The following EVL variants were observed in gnomAD, a reference collection of about 807,000 sequenced individuals.
EVL encodes the protein ena/VASP-like protein.
In EVL, 21 loss-of-function variants were observed where a neutral mutation model predicts 59.6. That is an observed-to-expected ratio of 0.35 (90% confidence interval 0.25 to 0.51). EVL has a LOEUF of 0.51. EVL is among the 20% of genes least tolerant of loss of function. The pLI, the probability that EVL is intolerant of heterozygous loss-of-function variation, is 0.97. For missense variants in EVL, 462 were observed against 546.6 expected, an observed-to-expected ratio of 0.85 and a Z score of 1.54; for synonymous variants, 198 against 203.5, an observed-to-expected ratio of 0.97 and a Z score of 0.23.
chr14:100,033,079 G>T (rs1229103138), intron 1 of EVL, among the ~76,000 whole-genome samples: 1 of 152,116 alleles, frequency 6.6e-6, no homozygotes, highest in Non-Finnish European at 1.5e-5. Flanking sequence ...TGGAAGTGCT[G>T]AATCCAGTGA....
At chr14:99,987,512 C>G (rs1454856033) in intron 1 of EVL, among the ~76,000 whole-genome samples, 2 of 152,114 alleles carry the variant, frequency 1.3e-5, no homozygotes, top group African/African-American at 4.8e-5. Flanking sequence ...CATGGTGGCA[C>G]ACGCCTGTAA....
At chr14:100,013,069 C>T (rs1490129045) in intron 1 of EVL, among the ~76,000 whole-genome samples, 1 of 152,094 alleles carries the variant, frequency 6.6e-6, no homozygotes, top group African/African-American at 2.4e-5. Context: ...AGTTAAACCC[C>T]TCAGGCCTCA....
chr14:100,093,603 C>G (rs900776134), intron 2 of EVL, among the ~76,000 whole-genome samples: 17 of 152,138 alleles, frequency 1.1e-4, no homozygotes, highest in African/African-American at 3.9e-4. Context: ...AATCAGCGAC[C>G]AAGCATGTGT....
At chr14:100,006,023 C>A (rs976013838) in intron 1 of EVL, among the ~76,000 whole-genome samples, 57 of 107,990 alleles carry the variant, frequency 5.3e-4, no homozygotes, top group Admixed American at 2.4e-3. Flanking sequence ...CCCCCCCCCC[C>A]ACACCGACAA....
At chr14:100,007,822 A>G (rs1156666630) in intron 1 of EVL, among the ~76,000 whole-genome samples, 1 of 148,846 alleles carries the variant, frequency 6.7e-6, no homozygotes, top group Non-Finnish European at 1.5e-5. Flanking sequence ...AGAGAGAGAA[A>G]GAGAAAGAAA....
chr14:99,990,676 C>A (rs1343073065), intron 1 of EVL, among the ~76,000 whole-genome samples: 2 of 152,028 alleles, frequency 1.3e-5, no homozygotes, highest in Non-Finnish European at 2.9e-5. Context: ...TGATCAGATA[C>A]CCTTTTTTAA....
At chr14:100,113,958 C>T (rs1887165360) in intron 3 of EVL, among the ~76,000 whole-genome samples, 1 of 152,052 alleles carries the variant, frequency 6.6e-6, no homozygotes, top group Non-Finnish European at 1.5e-5. Flanking sequence ...CAAGGAATGG[C>T]CTGGAAGACC....
At chr14:100,025,567 A>T (rs1285927523) in intron 1 of EVL, among the ~76,000 whole-genome samples, 1 of 152,196 alleles carries the variant, frequency 6.6e-6, no homozygotes, top group Non-Finnish European at 1.5e-5. Flanking sequence ...CTGTAGCTTT[A>T]AATTTTATAT....
Position 100,054,483 on chromosome 14 carries a change from C to G in EVL, c.6-30204C>G, listed in dbSNP as rs531438535. ...TCTTTCGTATACAAACCAACCAATT[C>G]TGAGTCCATACCCCAGCCACTTCCT... is the stretch of plus-strand genomic sequence containing the variant. On this transcript the variant is annotated intron_variant, in intron 1 of 13. Coordinates refer to the EVL transcript ENST00000402714. Among the ~76,000 whole-genome samples the G allele has an allele frequency of 7.9e-5, 12 of 152,262 alleles. No homozygotes were observed. The South Asian group carries it at 2.5e-3, about 32-fold the overall frequency.
chr14:100,035,878 G>A (rs970289403), intron 1 of EVL, among the ~76,000 whole-genome samples: 5 of 152,086 alleles, frequency 3.3e-5, no homozygotes, highest in Admixed American at 2.0e-4. Flanking sequence ...CCTCACCTAG[G>A]GGGCAGCACA....
intron 8 of EVL, among the ~76,000 whole-genome samples, chr14:100,134,289 T>C (rs1888631313): frequency 6.6e-6 from 1 of 152,102 alleles, no homozygotes; most frequent in Non-Finnish European, 1.5e-5. Flanking sequence ...CCTTTCTTAG[T>C]CAGGTGCCAG....
intron 1 of EVL, among the ~76,000 whole-genome samples, chr14:99,976,814 G>A (rs553835163): frequency 1.3e-5 from 2 of 152,156 alleles, no homozygotes; most frequent in African/African-American, 2.4e-5. Context: ...CCACCCCAGC[G>A]CCAATCTTTT....
At chr14:100,026,890 G>A (rs1274197389) in intron 1 of EVL, among the ~76,000 whole-genome samples, 1 of 152,148 alleles carries the variant, frequency 6.6e-6, no homozygotes, top group African/African-American at 2.4e-5. Flanking sequence ...GATCCCCGGG[G>A]CCTGTTGGAA....
intron 3 of EVL, chr14:100,102,445 T>C (rs566628737): frequency 4.4e-6 from 2 of 450,108 alleles, no homozygotes; most frequent in South Asian, 1.6e-5. Context: ...ATCTACATTG[T>C]CTACATTTTA....
intron 1 of EVL, among the ~76,000 whole-genome samples, chr14:100,022,147 T>G (rs1312899653): frequency 6.6e-6 from 1 of 151,944 alleles, no homozygotes; most frequent in Non-Finnish European, 1.5e-5. Flanking sequence ...TACATGAATA[T>G]AAAGGGGGAA....
chr14:100,003,963 G>A (rs1333698940), intron 1 of EVL, among the ~76,000 whole-genome samples: 1 of 152,168 alleles, frequency 6.6e-6, no homozygotes, highest in Admixed American at 6.5e-5. Flanking sequence ...CCAGCACTTT[G>A]GGAGGCCGAG....
At chr14:100,100,288 C>T (rs1342919194) in intron 3 of EVL, among the ~76,000 whole-genome samples, 2 of 151,970 alleles carry the variant, frequency 1.3e-5, no homozygotes, top group Admixed American at 1.3e-4. Flanking sequence ...TGAGAGTACC[C>T]CAATTTGAAG....
chr14:100,046,983 G>A (rs903101559), intron 1 of EVL, among the ~76,000 whole-genome samples: 2 of 151,306 alleles, frequency 1.3e-5, no homozygotes, highest in African/African-American at 4.8e-5. Flanking sequence ...TTGATCTCCT[G>A]ACCTCATGAT....
Position 100,036,811 on chromosome 14 carries a change from T to G in EVL, c.6-47876T>G, listed in dbSNP as rs57701622. On this transcript the variant is annotated intron_variant, in intron 1 of 13. Coordinates refer to the EVL transcript ENST00000402714. ...GGGCACTGTTACGGACTAAATTATGTCTCCCACAACTCACTGGTTGAAGCC... is the reference window on the plus strand; with the variant it reads ...GGGCACTGTTACGGACTAAATTATGGCTCCCACAACTCACTGGTTGAAGCC... 2.7e-3 allele frequency among the ~76,000 whole-genome samples: 414 copies of G among 152,254 alleles called. 4 individuals are homozygous for G. Among genetic ancestry groups the G allele is most frequent in the African/African-American group, 9.5e-3 (396 of 41,534 alleles).
Sources: gnomAD v4.1 joint callset for allele counts (sites outside exome capture counted in the v4.1 genomes callset) on GRCh38, gnomAD v4.1.1 for gene constraint, MANE v1.5 for transcripts, NCBI Gene and HGNC (gene_info 2026-07-23, HGNC 2026-07-21) for gene names.